The following XKR6 variants were observed in gnomAD, a reference collection of about 807,000 sequenced individuals.
XKR6 encodes XK related 6, also known as XK-related protein 6.
In XKR6, 22 loss-of-function variants were observed where a neutral mutation model predicts 56.7. The observed-to-expected ratio is 0.39, with a 90% CI of 0.28 to 0.55. XKR6 has a LOEUF of 0.55. XKR6 is among the 20% of genes least tolerant of loss of function. XKR6 has a pLI of 0.66. For missense variants in XKR6, 852 were observed against 889.0 expected (o/e 0.96, Z 0.53); for synonymous variants, 524 against 387.8 (o/e 1.35, Z -4.13).
chr8:10,963,003 C>T (rs767057850), intron 1 of XKR6, among the ~76,000 whole-genome samples: 2 of 152,188 alleles, frequency 1.3e-5, no homozygotes, highest in Non-Finnish European at 2.9e-5. Flanking sequence ...ATCTTTTGAG[C>T]CTGTCCTTCG....
intron 1 of XKR6, among the ~76,000 whole-genome samples, chr8:11,100,044 TTTTTC>T (rs368222497): frequency 3.9e-5 from 6 of 152,236 alleles, no homozygotes; most frequent in Admixed American, 1.3e-4. Flanking sequence ...GGGCTCATTT[TTTTTC>T]TTTTCATTTT....
intron 1 of XKR6, among the ~76,000 whole-genome samples, chr8:10,982,082 G>C (rs1797748007): frequency 6.6e-6 from 1 of 152,200 alleles, no homozygotes; most frequent in South Asian, 2.1e-4. Flanking sequence ...TAGGGTAAGG[G>C]CTTTAAAGGT....
intron 1 of XKR6, among the ~76,000 whole-genome samples, chr8:10,972,331 C>T (rs1238929103): frequency 6.6e-6 from 1 of 152,164 alleles, no homozygotes; most frequent in Non-Finnish European, 1.5e-5. Flanking sequence ...TCGGCAATTA[C>T]CAATTCTTTC....
chr8:10,917,687 T>C (rs192917982), intron 2 of XKR6, among the ~76,000 whole-genome samples: 1 of 152,106 alleles, frequency 6.6e-6, no homozygotes, highest in African/African-American at 2.4e-5. Flanking sequence ...CCTCTGAGGG[T>C]TCCTGGGGTG....
chr8:11,071,273 ATTG>A (rs1800106922), intron 1 of XKR6, among the ~76,000 whole-genome samples: 1 of 151,944 alleles, frequency 6.6e-6, no homozygotes, highest in Non-Finnish European at 1.5e-5. Context: ...AAGTTTTGCT[ATTG>A]TTGTCCAGGC....
chr8:10,981,387 G>A (rs191415076), intron 1 of XKR6, among the ~76,000 whole-genome samples: 2 of 152,332 alleles, frequency 1.3e-5, no homozygotes, highest in Non-Finnish European at 2.9e-5. Flanking sequence ...GGGCCAAGTA[G>A]AGGAGATATT....
chr8:11,093,031 TTTC>T (rs1416061363), intron 1 of XKR6, among the ~76,000 whole-genome samples: 9 of 123,300 alleles, frequency 7.3e-5, no homozygotes, highest in Non-Finnish European at 1.2e-4. Context: ...TCTTTTTTCT[TTTC>T]TCTTTCTTTC....
chr8:10,945,170 T>C (rs1166786445), intron 1 of XKR6, among the ~76,000 whole-genome samples: 1 of 152,126 alleles, frequency 6.6e-6, no homozygotes, highest in Non-Finnish European at 1.5e-5. Flanking sequence ...TCCAAGACGT[T>C]GCAAAAAACT....
intron 1 of XKR6, among the ~76,000 whole-genome samples, chr8:11,133,850 A>C (rs1173122963): frequency 6.6e-6 from 1 of 152,128 alleles, no homozygotes; most frequent in Non-Finnish European, 1.5e-5. Flanking sequence ...ACCTATTCAG[A>C]CCATGTCGGC....
chr8:11,036,993 A>T (rs1799162931), intron 1 of XKR6, among the ~76,000 whole-genome samples: 1 of 152,204 alleles, frequency 6.6e-6, no homozygotes, highest in Non-Finnish European at 1.5e-5. Context: ...CGGGTATGAA[A>T]GCCAGCTGAA....
intron 1 of XKR6, among the ~76,000 whole-genome samples, chr8:11,120,434 C>G (rs1799392285): frequency 6.6e-6 from 1 of 152,184 alleles, no homozygotes; most frequent in African/African-American, 2.4e-5. Flanking sequence ...CTCCCATTCA[C>G]AATTGCTTCA....
intron 1 of XKR6, among the ~76,000 whole-genome samples, chr8:11,077,486 A>T (rs2129168885): frequency 6.6e-6 from 1 of 152,162 alleles, no homozygotes; most frequent in African/African-American, 2.4e-5. Flanking sequence ...CTCTACATGC[A>T]GCTCACTCAA....
At chr8:11,099,851 G>C (rs554193459) in intron 1 of XKR6, among the ~76,000 whole-genome samples, 4 of 152,246 alleles carry the variant, frequency 2.6e-5, no homozygotes, top group Admixed American at 2.0e-4. Context: ...TGCCACTCTA[G>C]ACAGGCTGGG....
At position 10,898,405 on chromosome 8, in the gene XKR6, C is replaced by G. The variant is rs1385319255; in HGVS notation, c.1473G>C (p.Met491Ile). 1.2e-6 allele frequency: 2 copies of G among 1,613,902 alleles called. No individual in the cohort carries two copies. The highest frequency in any genetic ancestry group is 2.7e-5 in the African/African-American group (2 of 74,884). The change falls in exon 3 of 3, where the codon ATG becomes ATC. Residue 491 changes from methionine to isoleucine, a missense_variant. Met to Ile is a conservative substitution (Grantham distance 10). Around this residue, in one of 4 missense-constraint regions of XKR6, gnomAD observed 197 missense variants for 190.9 expected, o/e 1.03. Transcript: ENST00000416569. The surrounding 1 kb of genome is among the most constrained non-coding windows in gnomAD (Gnocchi z 6.6). ...FISFVAGIAM[M>I]LLYYGVLHPT... is the part of the protein sequence containing the mutation. ...GATGCAGCACGCCATAGTATAAGAG[C>G]ATCATTGCGATCCCAGCCACAAAGC...
intron 1 of XKR6, among the ~76,000 whole-genome samples, chr8:11,039,322 C>G (rs1751341511): frequency 6.6e-6 from 1 of 152,334 alleles, no homozygotes; most frequent in Middle Eastern, 3.4e-3. Flanking sequence ...GATTGAGGCC[C>G]TGGGAAAGCT....
chr8:11,018,072 G>A (rs1309868220), intron 1 of XKR6, among the ~76,000 whole-genome samples: 3 of 152,092 alleles, frequency 2.0e-5, no homozygotes, highest in Non-Finnish European at 4.4e-5. Flanking sequence ...GACAATCCCC[G>A]AGTTAGACAG....
chr8:11,072,381 CTGTTTTGGTAAGG>C, intron 1 of XKR6, among the ~76,000 whole-genome samples: 1 of 151,612 alleles, frequency 6.6e-6, no homozygotes, highest in African/African-American at 2.4e-5. Context: ...CACCCCCTCT[CTGTTTTGGTAAGG>C]TCTGCTGGAG....
At chr8:11,186,753 GT>G (rs1563204054) in intron 1 of XKR6, among the ~76,000 whole-genome samples, 1 of 152,174 alleles carries the variant, frequency 6.6e-6, no homozygotes, top group Non-Finnish European at 1.5e-5. Flanking sequence ...ATGCTGAGGT[GT>G]TGAGCCCTGA....
rs755521505 is a variant in XKR6 at position 10,898,837 on chromosome 8, G to A, written c.1041C>T (p.Asp347=). 68 of 1,614,094 alleles carry A rather than the reference G, an allele frequency of 4.2e-5. No individual in the cohort carries two copies. Among genetic ancestry groups the A allele is most frequent in the Admixed American group, 6.7e-5 (4 of 60,014 alleles). The change falls in exon 3 of 3, where the codon GAC becomes GAT. Residue 347 remains aspartate, a synonymous_variant. Transcript: ENST00000416569. The surrounding 1 kb of genome is among the most constrained non-coding windows in gnomAD (Gnocchi z 6.6). Reference sequence around the variant, plus strand: ...CTCTGTAGCTCATGCTCTTCTTGTCGTCCCTGGAGTCCCGCAGCAGCTTGT... The same window carrying A: ...CTCTGTAGCTCATGCTCTTCTTGTCATCCCTGGAGTCCCGCAGCAGCTTGT... The part of the protein sequence containing the change: ...SYHKLLRDSR[D]DKKSMSYRGA...
Sources: allele counts gnomAD v4.1 joint callset (sites outside exome capture counted in the v4.1 genomes callset), GRCh38; gene constraint gnomAD v4.1.1; regional missense constraint gnomAD v4.1.1; non-coding constraint Gnocchi (gnomAD v3.1); transcripts MANE v1.5; gene names NCBI Gene and HGNC (gene_info 2026-07-23, HGNC 2026-07-21).